The following ERC1 variants were observed in gnomAD, a reference collection of about 807,000 sequenced individuals.
ERC1 encodes the protein ELKS/RAB6-interacting/CAST family member 1, also known as RAB6 interacting protein 2.
Under a neutral mutation model 132.0 loss-of-function variants are expected in ERC1, and 56 were observed. The ratio of observed to expected loss-of-function variants is 0.42; its 90% CI spans 0.34 to 0.53. ERC1 has a LOEUF of 0.53. Among genes scored for constraint, ERC1 ranks in the 20% least tolerant of loss-of-function variants. The pLI, the probability that ERC1 is intolerant of heterozygous loss-of-function variation, is 0.03. For missense variants in ERC1, 1,202 were observed against 1,349.9 expected (o/e 0.89, Z 1.72); for synonymous variants, 478 against 476.1 (o/e 1.00, Z -0.05).
intron 14 of ERC1, among the ~76,000 whole-genome samples, chr12:1,277,632 C>T (rs2078365105): frequency 6.6e-6 from 1 of 152,062 alleles, no homozygotes; most frequent in African/African-American, 2.4e-5. Flanking sequence ...CAGATACAAA[C>T]GTTATTCAGA....
At chr12:1,423,732 T>G (rs1424695787) in intron 17 of ERC1, among the ~76,000 whole-genome samples, 4 of 152,218 alleles carry the variant, frequency 2.6e-5, no homozygotes, top group Non-Finnish European at 5.9e-5. Flanking sequence ...TTATTTCAGG[T>G]TTTACATTGT....
At chr12:1,067,903 A>G (rs1271870176) in intron 2 of ERC1, among the ~76,000 whole-genome samples, 7 of 143,556 alleles carry the variant, frequency 4.9e-5, no homozygotes, top group African/African-American at 1.8e-4. Flanking sequence ...TGCCAATTTT[A>G]CTGTATTTCA....
chr12:1,421,690 T>C (rs2092435278), intron 17 of ERC1, among the ~76,000 whole-genome samples: 2 of 152,138 alleles, frequency 1.3e-5, no homozygotes. Flanking sequence ...TCCAGCTACA[T>C]GACTCTTGAT....
chr12:1,154,794 T>C (rs1463063460), intron 8 of ERC1, among the ~76,000 whole-genome samples: 1 of 151,684 alleles, frequency 6.6e-6, no homozygotes, highest in Non-Finnish European at 1.5e-5. Flanking sequence ...TGCCCAAAAA[T>C]GTATGAAAAA....
At chr12:1,058,815 G>A (rs1356952334) in intron 2 of ERC1, among the ~76,000 whole-genome samples, 1 of 126,400 alleles carries the variant, frequency 7.9e-6, no homozygotes, top group Non-Finnish European at 1.6e-5. Flanking sequence ...TTTAAGAGAC[G>A]AGGTCTTGCT....
intron 15 of ERC1, among the ~76,000 whole-genome samples, chr12:1,293,599 C>A (rs182646622): frequency 0.017 from 2,503 of 148,110 alleles, 165 homozygotes; most frequent in African/African-American, 0.06. Context: ...ATTGCACTCC[C>A]GCCTGGGCAA....
chr12:1,237,742 T>A (rs2075518429), intron 13 of ERC1, among the ~76,000 whole-genome samples: 1 of 152,244 alleles, frequency 6.6e-6, no homozygotes, highest in Admixed American at 6.5e-5. Context: ...TTGATCATAA[T>A]GCTTCAGAAT....
intron 15 of ERC1, among the ~76,000 whole-genome samples, chr12:1,295,888 C>T (rs1364474942): frequency 6.6e-6 from 1 of 151,540 alleles, no homozygotes; most frequent in East Asian, 1.9e-4. Context: ...ACCATATTTG[C>T]AATATATCCC....
chr12:1,000,327 A>G (rs541293836), intron 1 of ERC1, among the ~76,000 whole-genome samples: 87 of 152,192 alleles, frequency 5.7e-4, no homozygotes, highest in African/African-American at 2.0e-3. Flanking sequence ...TCTACTAAAA[A>G]ATAAAAAAAT....
chr12:1,146,387 A>G (rs1037004816), intron 8 of ERC1, among the ~76,000 whole-genome samples: 1 of 125,446 alleles, frequency 8.0e-6, no homozygotes, highest in Non-Finnish European at 1.6e-5. Flanking sequence ...CTTGGTAACT[A>G]TTGATGTGTA....
intron 13 of ERC1, among the ~76,000 whole-genome samples, chr12:1,260,727 C>T (rs539618284): frequency 2.4e-4 from 36 of 152,128 alleles, no homozygotes; most frequent in Non-Finnish European, 4.4e-4. Context: ...AGATATTTGC[C>T]GTCTTCTTTC....
At chr12:1,482,447 G>GT (rs375313406) in intron 18 of ERC1, among the ~76,000 whole-genome samples, 19 of 151,684 alleles carry the variant, frequency 1.3e-4, no homozygotes, top group East Asian at 1.2e-3. Flanking sequence ...TTTTGTTTGT[G>GT]TTTTTTTTGT....
At chr12:1,277,664 T>G in intron 14 of ERC1, among the ~76,000 whole-genome samples, 1 of 152,132 alleles carries the variant, frequency 6.6e-6, no homozygotes, top group East Asian at 1.9e-4. Context: ...TCATTCTGTC[T>G]TACAAAAAAA....
intron 12 of ERC1, among the ~76,000 whole-genome samples, chr12:1,229,720 C>G (rs540850090): frequency 7.9e-5 from 12 of 152,230 alleles, no homozygotes; most frequent in African/African-American, 2.9e-4. Flanking sequence ...TAGCTCAAAG[C>G]TTGTCAATTT....
At chr12:1,094,413 C>CTT (rs1565950692) in intron 3 of ERC1, among the ~76,000 whole-genome samples, 3 of 67,108 alleles carry the variant, frequency 4.5e-5, no homozygotes, top group Admixed American at 1.5e-4. Context: ...TTCCTTCTCT[C>CTT]TCTTTTTTTT....
At chr12:1,231,146 T>A (rs1421571445) in intron 12 of ERC1, among the ~76,000 whole-genome samples, 2 of 72,274 alleles carry the variant, frequency 2.8e-5, no homozygotes, top group Non-Finnish European at 6.4e-5. Context: ...TCTGATTTGA[T>A]TTTTTTTTTT....
chr12:1,360,352 T>G (rs1214397333), intron 15 of ERC1, among the ~76,000 whole-genome samples: 1 of 152,160 alleles, frequency 6.6e-6, no homozygotes, highest in Non-Finnish European at 1.5e-5. Flanking sequence ...CGTTGGAACT[T>G]AGGATCCAAT....
intron 18 of ERC1, among the ~76,000 whole-genome samples, chr12:1,460,284 T>C (rs1167908879): frequency 6.6e-6 from 1 of 152,202 alleles, no homozygotes; most frequent in African/African-American, 2.4e-5. Flanking sequence ...AAGATTTTAA[T>C]CCTCTTGTGA....
chr12:1,419,185 T>G (rs1315102155), intron 17 of ERC1, among the ~76,000 whole-genome samples: 1 of 152,118 alleles, frequency 6.6e-6, no homozygotes, highest in Non-Finnish European at 1.5e-5. Flanking sequence ...TATCCAATTA[T>G]AAATAAGACT....
Sources: allele counts gnomAD v4.1 joint callset (sites outside exome capture counted in the v4.1 genomes callset), GRCh38; gene constraint gnomAD v4.1.1; transcripts MANE v1.5; gene names NCBI Gene and HGNC (gene_info 2026-07-23, HGNC 2026-07-21).